NFU1: variants seen among roughly 807,000 people sequenced by gnomAD.
NFU1 encodes the protein NFU1 iron-sulfur cluster scaffold homolog, mitochondrial.
In NFU1, 30 loss-of-function variants were observed where a neutral mutation model predicts 32.2. That is an observed-to-expected ratio of 0.93 (90% CI 0.70 to 1.26). The LOEUF (loss-of-function observed/expected upper bound fraction) is 1.26, where lower values mean the gene tolerates loss of function less well. NFU1 is among the 50% of genes most tolerant of loss of function. NFU1 has a pLI of 0.00. For synonymous variants in NFU1, 112 were observed against 104.6 expected, an observed-to-expected ratio of 1.07 and a Z score of -0.43; for missense variants, 306 against 306.6, an observed-to-expected ratio of 1.00 and a Z score of 0.02.
intron 1 of NFU1, 110 bp from the exon 2 acceptor site, chr2:69,432,115 G>A (rs376350538): frequency 2.0e-5 from 14 of 709,010 alleles, no homozygotes; most frequent in South Asian, 3.2e-5. Flanking sequence ...AACATAACCC[G>A]CAATAGAAAT....
chr2:69,433,126 G>T (rs1285398339), intron 1 of NFU1, among the ~76,000 whole-genome samples: 4 of 125,010 alleles, frequency 3.2e-5, no homozygotes, highest in Non-Finnish European at 6.4e-5. Flanking sequence ...CTCCAGCCTG[G>T]CCCAAAGAGC....
chr2:69,437,544 G>T (rs2096489166), upstream of NFU1: 1 of 1,267,816 alleles, frequency 7.9e-7, no homozygotes, highest in Non-Finnish European at 1.1e-6. Flanking sequence ...GGGCGGTCCT[G>T]CTGCGGATAA....
At chr2:69,430,944 T>G (rs1467767824) in intron 2 of NFU1, among the ~76,000 whole-genome samples, 1 of 152,196 alleles carries the variant, frequency 6.6e-6, no homozygotes, top group African/African-American at 2.4e-5. Context: ...ATAACACATA[T>G]AGGTATACAT....
intron 6 of NFU1, among the ~76,000 whole-genome samples, chr2:69,401,932 T>G (rs1672535232): frequency 6.6e-6 from 1 of 151,926 alleles, no homozygotes; most frequent in African/African-American, 2.4e-5. Context: ...CTCACTCTGT[T>G]GCCCAGGCTG....
intron 6 of NFU1, among the ~76,000 whole-genome samples, chr2:69,404,855 G>A (rs1052961995): frequency 2.0e-5 from 3 of 150,150 alleles, no homozygotes; most frequent in African/African-American, 7.3e-5. Context: ...CCTGATCTTA[G>A]GTGATCCACC....
At position 69,406,061 on chromosome 2, in the gene NFU1, A is replaced by G. The variant is rs1472572322; in HGVS notation, c.506T>C (p.Val169Ala). Reference protein sequence around the residue: ...GEAGSEEDDEVVAMIKELLDT... With the variant: ...GEAGSEEDDEAVAMIKELLDT... ...TAACAATTCCTTAATCATTGCCACA[A>G]CTTCATCATCTTCTTCAGATCCTAG... Residue 169 changes from valine (V) to alanine (A), a missense_variant, in exon 6 of 8, where the codon GTT (valine) becomes GCT (alanine). By Grantham distance (64) the Val-to-Ala change is moderately conservative. Coordinates refer to ENST00000410022, the MANE Select transcript of NFU1 (RefSeq NM_001002755.4). 6.3e-7 allele frequency: 1 copy of G among 1,598,542 alleles called. No individual in the cohort carries two copies. Among genetic ancestry groups the G allele is most frequent in the Non-Finnish European group, 8.6e-7 (1 of 1,167,144 alleles).
chr2:69,431,922 G>C lies in NFU1; in HGVS notation c.146C>G (p.Pro49Arg), dbSNP rs1030062926. The C allele has an allele frequency of 1.9e-6, 3 of 1,612,646 alleles. No homozygotes were observed. Among genetic ancestry groups the C allele is most frequent in the Non-Finnish European group, 2.5e-6 (3 of 1,178,692 alleles). ...QFVQRPLFPLPAAFYHPVRYM... is the reference protein window; with the variant it reads ...QFVQRPLFPLRAAFYHPVRYM... ...TTTACCTGGGTGATAAAAGGCTGCA[G>C]GTAGTGGGAAAAGTGGTCTTTGTAC... Residue 49 changes from proline (P) to arginine (R), a missense_variant, in exon 2 of 8, where the codon CCT becomes CGT. Physicochemically the swap from Pro to Arg is moderately radical, Grantham distance 103. Coordinates refer to ENST00000410022, the MANE Select transcript of NFU1 (RefSeq NM_001002755.4).
At chr2:69,411,942 G>T (rs897185589) in intron 5 of NFU1, among the ~76,000 whole-genome samples, 1 of 152,002 alleles carries the variant, frequency 6.6e-6, no homozygotes, top group African/African-American at 2.4e-5. Context: ...AAGACATATG[G>T]GCCAGGTGGC....
chr2:69,433,150 C>CAA (rs762607918), intron 1 of NFU1, among the ~76,000 whole-genome samples: 1,009 of 98,294 alleles, frequency 0.01, 6 homozygotes, highest in Admixed American at 0.014. Flanking sequence ...ACTCCATCTC[C>CAA]AAAAAAAAAA....
intron 5 of NFU1, among the ~76,000 whole-genome samples, chr2:69,409,040 C>T (rs919868200): frequency 6.6e-6 from 1 of 151,756 alleles, no homozygotes; most frequent in Non-Finnish European, 1.5e-5. Context: ...CGGGGTTACA[C>T]CATGTTGGCC....
chr2:69,420,050 G>C (rs1673189002), intron 3 of NFU1, among the ~76,000 whole-genome samples: 1 of 151,848 alleles, frequency 6.6e-6, no homozygotes, highest in South Asian at 2.1e-4. Context: ...CTGTCCCCCA[G>C]GCTGGAGTGC....
chr2:69,432,249 T>A (rs1200763722), intron 1 of NFU1, among the ~76,000 whole-genome samples: 2 of 152,062 alleles, frequency 1.3e-5, no homozygotes, highest in Non-Finnish European at 2.9e-5. Flanking sequence ...GATAACCGGG[T>A]GTGCACAGGA....
intron 6 of NFU1, among the ~76,000 whole-genome samples, chr2:69,405,349 C>A (rs1299805056): frequency 6.6e-6 from 1 of 152,178 alleles, no homozygotes; most frequent in Non-Finnish European, 1.5e-5. Context: ...TTTTTGTCTT[C>A]CCATCTAAAC....
At chr2:69,431,253 A>T (rs1031126797) in intron 2 of NFU1, among the ~76,000 whole-genome samples, 7 of 152,164 alleles carry the variant, frequency 4.6e-5, no homozygotes, top group Non-Finnish European at 7.3e-5. Context: ...TTCTTATCCA[A>T]AAAAAGGACA....
upstream of NFU1, chr2:69,437,689 T>C (rs1673906256): frequency 1.7e-6 from 1 of 580,100 alleles, no homozygotes; most frequent in Non-Finnish European, 3.1e-6. Flanking sequence ...TTTCCGTACT[T>C]TGTTTTCCCT....
intron 6 of NFU1, among the ~76,000 whole-genome samples, chr2:69,402,603 C>T (rs112680191): frequency 5.9e-5 from 9 of 152,084 alleles, no homozygotes; most frequent in East Asian, 1.9e-4. Context: ...TTTTTTAAGA[C>T]GGAGTTTCGC....
intron 5 of NFU1, among the ~76,000 whole-genome samples, chr2:69,408,247 CTG>C (rs772328487): frequency 3.7e-4 from 57 of 152,066 alleles, no homozygotes; most frequent in Non-Finnish European, 5.1e-4. Context: ...TTGCTCTTTT[CTG>C]TGTAATATAT....
chr2:69,437,338 G>C (rs779814814), intron 1 of NFU1, 23 bp downstream of exon 1: 6 of 1,601,398 alleles, frequency 3.7e-6, no homozygotes, highest in Non-Finnish European at 5.1e-6. Flanking sequence ...ACACCTATTC[G>C]GAGCTCCAGG....
chr2:69,431,958 A>T lies in NFU1; in HGVS notation c.110T>A (p.Leu37Gln), dbSNP rs1673653277. Residue 37 changes from leucine to glutamine, a missense_variant, in exon 2 of 8, where the codon CTG becomes CAG. By Grantham distance (113) the Leu-to-Gln change is moderately radical. Coordinates refer to ENST00000410022, the MANE Select transcript of NFU1 (RefSeq NM_001002755.4). ...KNPYTIKKQPLHQFVQRPLFP... is the reference protein window; with the variant it reads ...KNPYTIKKQPQHQFVQRPLFP... The stretch of plus-strand genomic sequence containing the variant: ...AAGTGGTCTTTGTACAAACTGATGC[A>T]GAGGCTGTTTCTTAATGGTGTATGG... The T allele has an allele frequency of 6.2e-7, 1 of 1,613,884 alleles. No homozygotes were observed. The highest frequency in any genetic ancestry group is 8.5e-7 in the Non-Finnish European group (1 of 1,179,824).
Sources: gnomAD v4.1 joint callset for allele counts (sites outside exome capture counted in the v4.1 genomes callset) on GRCh38, gnomAD v4.1.1 for gene constraint, MANE v1.5 for transcripts, NCBI Gene and HGNC (gene_info 2026-07-23, HGNC 2026-07-21) for gene names.